The following CACNA2D1 variants were observed in gnomAD, a reference collection of about 807,000 sequenced individuals.
The protein encoded by CACNA2D1 is voltage-dependent calcium channel subunit alpha-2/delta-1.
A neutral mutation model predicts 171.5 loss-of-function variants in CACNA2D1; 53 were observed. The observed-to-expected ratio is 0.31, with a 90% CI of 0.25 to 0.39. The LOEUF (loss-of-function observed/expected upper bound fraction) is 0.39. CACNA2D1 is among the 10% of genes least tolerant of loss of function. The probability of loss-of-function intolerance (pLI) is 1.00; values close to 1 mark genes in which losing one functional copy is unlikely to be tolerated. For synonymous variants in CACNA2D1, 442 were observed against 443.1 expected (o/e 1.00, Z 0.03); for missense variants, 903 against 1,299.8 (o/e 0.69, Z 4.69).
At chr7:82,251,016 A>G (rs910234124) in intron 3 of CACNA2D1, among the ~76,000 whole-genome samples, 4 of 152,198 alleles carry the variant, frequency 2.6e-5, no homozygotes, top group African/African-American at 9.6e-5. Context: ...GCCAAAAACT[A>G]TAAGAAGCAG....
At chr7:82,394,200 T>C (rs2129451035) in intron 1 of CACNA2D1, among the ~76,000 whole-genome samples, 1 of 152,308 alleles carries the variant, frequency 6.6e-6, no homozygotes, top group East Asian at 1.9e-4. Context: ...TTGATACGTC[T>C]ACCTGCATTT....
chr7:82,390,243 C>A (rs1824945941), intron 1 of CACNA2D1, among the ~76,000 whole-genome samples: 1 of 152,098 alleles, frequency 6.6e-6, no homozygotes, highest in South Asian at 2.1e-4. Context: ...GAGTCAATAA[C>A]GTATCTGTGT....
chr7:82,017,581 G>A (rs970557601), intron 12 of CACNA2D1, among the ~76,000 whole-genome samples: 10 of 151,734 alleles, frequency 6.6e-5, no homozygotes, highest in African/African-American at 2.2e-4. Context: ...AAAGTCCACA[G>A]AGATGATTGA....
At chr7:82,293,749 G>T (rs1442568184) in intron 3 of CACNA2D1, among the ~76,000 whole-genome samples, 1 of 152,106 alleles carries the variant, frequency 6.6e-6, no homozygotes, top group Non-Finnish European at 1.5e-5. Context: ...AAGGATCTGG[G>T]AATATAATTT....
At chr7:82,299,345 G>A (rs1812713933) in intron 3 of CACNA2D1, among the ~76,000 whole-genome samples, 1 of 151,932 alleles carries the variant, frequency 6.6e-6, no homozygotes, top group Non-Finnish European at 1.5e-5. Flanking sequence ...AAAGAACAGT[G>A]AAGATAGTTT....
chr7:82,335,955 T>C (rs547056582), intron 2 of CACNA2D1, among the ~76,000 whole-genome samples: 39 of 152,184 alleles, frequency 2.6e-4, no homozygotes, highest in African/African-American at 9.4e-4. Flanking sequence ...CAGAGTGGCA[T>C]AAGTTGCACC....
At position 82,060,411 on chromosome 7, in the gene CACNA2D1, A is replaced by C; in HGVS notation, c.879+17T>G. The C allele has an allele frequency of 6.6e-7, 1 of 1,516,350 alleles. No homozygotes were observed. The highest frequency in any genetic ancestry group is 9.1e-7 in the Non-Finnish European group (1 of 1,094,448). The allele number at this position is 1,516,350 out of a possible 1,614,324, so 93.9% of individuals were successfully genotyped here. On this transcript the variant is annotated intron_variant, in intron 10 of 38. Transcript: ENST00000356860. ...TTGCAAATTTAATTCAGGAAAATGC[A>C]GTCATCTTATACTTACTGAAGCTAC... is the stretch of plus-strand genomic sequence containing the variant.
chr7:82,098,345 A>G (rs1812182049), intron 6 of CACNA2D1, among the ~76,000 whole-genome samples: 1 of 152,230 alleles, frequency 6.6e-6, no homozygotes, highest in African/African-American at 2.4e-5. Context: ...AATTCCATGT[A>G]TCTATATAAA....
At chr7:82,237,483 A>G (rs2129289269) in intron 3 of CACNA2D1, among the ~76,000 whole-genome samples, 1 of 152,054 alleles carries the variant, frequency 6.6e-6, no homozygotes, top group African/African-American at 2.4e-5. Context: ...CTATTGGGCT[A>G]TACATCAGGT....
At chr7:82,145,577 T>G (rs1792922107) in intron 4 of CACNA2D1, among the ~76,000 whole-genome samples, 1 of 143,344 alleles carries the variant, frequency 7.0e-6, no homozygotes. Context: ...AATTTTTACA[T>G]ATAAAATTTA....
chr7:82,420,017 C>T (rs560630265), intron 1 of CACNA2D1, among the ~76,000 whole-genome samples: 10 of 152,128 alleles, frequency 6.6e-5, no homozygotes, highest in African/African-American at 2.2e-4. Context: ...GACAGCGCCC[C>T]CCGCCCTTCC....
intron 16 of CACNA2D1, among the ~76,000 whole-genome samples, chr7:82,007,206 T>C (rs1799207412): frequency 6.6e-6 from 1 of 152,122 alleles, no homozygotes; most frequent in South Asian, 2.1e-4. Context: ...AAGAGAAATA[T>C]TAATTTAAAT....
At chr7:82,232,358 G>A (rs1017786329) in intron 3 of CACNA2D1, among the ~76,000 whole-genome samples, 8 of 127,364 alleles carry the variant, frequency 6.3e-5, no homozygotes, top group Admixed American at 1.7e-4. Context: ...ACAAATGTTC[G>A]CCTTTTTGTA....
At chr7:82,440,260 T>C (rs1830393677) in intron 1 of CACNA2D1, among the ~76,000 whole-genome samples, 1 of 151,886 alleles carries the variant, frequency 6.6e-6, no homozygotes, top group Non-Finnish European at 1.5e-5. Flanking sequence ...ATATTAACAG[T>C]TATAACTATA....
At chr7:82,346,059 C>T (rs1026552088) in intron 2 of CACNA2D1, among the ~76,000 whole-genome samples, 2 of 152,092 alleles carry the variant, frequency 1.3e-5, no homozygotes, top group East Asian at 1.9e-4. Flanking sequence ...AGCAAAATGT[C>T]TTACTCTTAA....
chr7:82,204,730 T>C (rs1799832922), intron 3 of CACNA2D1, among the ~76,000 whole-genome samples: 1 of 152,142 alleles, frequency 6.6e-6, no homozygotes, highest in African/African-American at 2.4e-5. Flanking sequence ...GTTGGACCTG[T>C]GTGTCCAGGG....
At chr7:82,129,374 C>T (rs1357368450) in intron 5 of CACNA2D1, among the ~76,000 whole-genome samples, 1 of 152,148 alleles carries the variant, frequency 6.6e-6, no homozygotes, top group Non-Finnish European at 1.5e-5. Flanking sequence ...TTGACTTGAT[C>T]TCTGGGAAGA....
At chr7:82,300,250 A>G (rs1211650688) in intron 3 of CACNA2D1, among the ~76,000 whole-genome samples, 1 of 152,144 alleles carries the variant, frequency 6.6e-6, no homozygotes, top group Non-Finnish European at 1.5e-5. Flanking sequence ...GACAGCAATA[A>G]AGATAAAGAA....
At chr7:82,063,143 A>G (rs891923898) in intron 9 of CACNA2D1, among the ~76,000 whole-genome samples, 4 of 152,146 alleles carry the variant, frequency 2.6e-5, no homozygotes, top group Admixed American at 2.6e-4. Context: ...TGAAAATAGT[A>G]TTTAAATTTC....
Sources: gnomAD v4.1 joint callset for allele counts (sites outside exome capture counted in the v4.1 genomes callset) on GRCh38, gnomAD v4.1.1 for gene constraint, MANE v1.5 for transcripts, NCBI Gene and HGNC (gene_info 2026-07-23, HGNC 2026-07-21) for gene names.